Variants in GFOD1 observed in about 807,000 individuals in gnomAD.
GFOD1 encodes the protein Gfo/Idh/MocA-like oxidoreductase domain containing 1, also known as glucose-fructose oxidoreductase domain-containing protein 1.
Under a neutral mutation model 25.4 loss-of-function variants are expected in GFOD1, and 9 were observed. The ratio of observed to expected loss-of-function variants is 0.35; its 90% CI spans 0.21 to 0.62. GFOD1 has a LOEUF of 0.62. GFOD1 is among the 20% of genes least tolerant of loss of function. The probability of loss-of-function intolerance (pLI) is 0.72; values close to 1 mark genes in which losing one functional copy is unlikely to be tolerated. For missense variants in GFOD1, 403 were observed against 556.9 expected, an observed-to-expected ratio of 0.72 and a Z score of 2.78; for synonymous variants, 253 against 245.6, an observed-to-expected ratio of 1.03 and a Z score of -0.28.
At chr6:13,385,715 T>C (rs941658315) in intron 1 of GFOD1, among the ~76,000 whole-genome samples, 9 of 152,186 alleles carry the variant, frequency 5.9e-5, no homozygotes, top group African/African-American at 2.2e-4. Flanking sequence ...TTTATTTAAA[T>C]AGAGTATAAG....
At chr6:13,378,522 C>T (rs1009688789) in intron 1 of GFOD1, among the ~76,000 whole-genome samples, 1 of 152,210 alleles carries the variant, frequency 6.6e-6, no homozygotes, top group Non-Finnish European at 1.5e-5. Context: ...ATATCCATGG[C>T]AGTGAACCTG....
chr6:13,394,149 A>T (rs932586196), intron 1 of GFOD1, among the ~76,000 whole-genome samples: 9 of 152,208 alleles, frequency 5.9e-5, no homozygotes, highest in Non-Finnish European at 1.2e-4. Flanking sequence ...TCATTTAAAA[A>T]GATGTACCTT....
intron 1 of GFOD1, among the ~76,000 whole-genome samples, chr6:13,396,602 C>T (rs1266076673): frequency 6.6e-6 from 1 of 152,126 alleles, no homozygotes; most frequent in African/African-American, 2.4e-5. Context: ...GGATCATGAA[C>T]TGGGAGGATT....
chr6:13,422,797 A>G (rs538055429), intron 1 of GFOD1, among the ~76,000 whole-genome samples: 22 of 152,328 alleles, frequency 1.4e-4, no homozygotes, highest in African/African-American at 5.1e-4. Flanking sequence ...AGGAATTCTT[A>G]GCAAGAATTT....
chr6:13,420,433 C>T lies in GFOD1; in HGVS notation c.254-54771G>A, dbSNP rs143132756. On this transcript the variant is annotated intron_variant, in intron 1 of 1. Transcript: ENST00000379287. Reference sequence around the variant, plus strand: ...CATCTTTCCAAGGAAGAGCTCATCCCACCCACTTCCTAGATACAGCTAGCT... The same window carrying T: ...CATCTTTCCAAGGAAGAGCTCATCCTACCCACTTCCTAGATACAGCTAGCT... Among the ~76,000 whole-genome samples, 237 of 152,274 alleles carry T rather than the reference C, an allele frequency of 1.6e-3. 1 individual carries two copies. The highest frequency in any genetic ancestry group is 5.3e-3 in the African/African-American group (222 of 41,562).
Position 13,358,281 on chromosome 6 carries a change from A to G in GFOD1, c.*6462T>C, listed in dbSNP as rs1784897965. 2 of 152,170 alleles carry G rather than the reference A, an allele frequency of 1.3e-5. No homozygotes were observed. Among genetic ancestry groups the G allele is most frequent in the South Asian group, 4.1e-4 (2 of 4,832 alleles). The allele number at this position is 152,170 out of a possible 1,614,324, so 9.4% of individuals were successfully genotyped here. A position where few individuals can be genotyped will look rare whatever the true frequency, so the allele number is the denominator to read the frequency against. ...AATAACTCTTTAAAATATCTAGTATACATGCCTTGACTTCTTATATATATA... is the reference window on the plus strand; with the variant it reads ...AATAACTCTTTAAAATATCTAGTATGCATGCCTTGACTTCTTATATATATA... On this transcript the variant is annotated 3_prime_UTR_variant, in exon 2 of 2. Transcript: ENST00000379287.
chr6:13,368,698 A>AT (rs1189592452), intron 1 of GFOD1, among the ~76,000 whole-genome samples: 1 of 152,110 alleles, frequency 6.6e-6, no homozygotes, highest in Non-Finnish European at 1.5e-5. Flanking sequence ...AAAGGTTTTT[A>AT]TTTTTTTCTA....
intron 1 of GFOD1, chr6:13,486,154 C>T: frequency 3.0e-6 from 3 of 989,124 alleles, no homozygotes; most frequent in Non-Finnish European, 1.2e-6. Flanking sequence ...CAAGAAAACC[C>T]GACACACGTG....
At chr6:13,486,139 G>A (rs1031912282) in intron 1 of GFOD1, 1 of 987,830 alleles carries the variant, frequency 1.0e-6, no homozygotes. Context: ...GTCCTCTATC[G>A]CACCCAAGAA....
At chr6:13,384,251 C>A (rs527513404) in intron 1 of GFOD1, among the ~76,000 whole-genome samples, 3 of 152,268 alleles carry the variant, frequency 2.0e-5, no homozygotes, top group South Asian at 4.1e-4. Flanking sequence ...CTAAACTAAA[C>A]TAAAATAAAA....
chr6:13,464,385 A>C (rs779013281), intron 1 of GFOD1, among the ~76,000 whole-genome samples: 2 of 152,216 alleles, frequency 1.3e-5, no homozygotes, highest in Non-Finnish European at 2.9e-5. Flanking sequence ...TTCTATCCTT[A>C]CCACAGAACG....
At chr6:13,409,386 A>T (rs1174539194) in intron 1 of GFOD1, among the ~76,000 whole-genome samples, 1 of 151,494 alleles carries the variant, frequency 6.6e-6, no homozygotes, top group African/African-American at 2.4e-5. Context: ...GAAGGAAGGA[A>T]GGAAGGAAAA....
intron 1 of GFOD1, among the ~76,000 whole-genome samples, chr6:13,473,328 T>A (rs1758548101): frequency 6.6e-6 from 1 of 152,224 alleles, no homozygotes; most frequent in Non-Finnish European, 1.5e-5. Context: ...TGACTCTGTT[T>A]ACCATAGCAT....
chr6:13,468,509 A>G (rs1758416877), intron 1 of GFOD1, among the ~76,000 whole-genome samples: 1 of 152,232 alleles, frequency 6.6e-6, no homozygotes, highest in Non-Finnish European at 1.5e-5. Flanking sequence ...AGAAACTTCC[A>G]AGAAGTCAAC....
intron 1 of GFOD1, among the ~76,000 whole-genome samples, chr6:13,461,347 G>T (rs1022286644): frequency 2.0e-5 from 3 of 152,194 alleles, no homozygotes; most frequent in African/African-American, 7.2e-5. Flanking sequence ...CACTGAGTTT[G>T]AAGGGGAAGG....
At chr6:13,374,728 C>CTTTTTTTTTTTTTT (rs147560408) in intron 1 of GFOD1, among the ~76,000 whole-genome samples, 1 of 66,780 alleles carries the variant, frequency 1.5e-5, no homozygotes, top group Admixed American at 2.3e-4. Context: ...CATCTCAAAT[C>CTTTTTTTTTTTTTT]TTTTTTTTTT....
In GFOD1 at chr6:13,487,284, G is replaced by A; in HGVS notation, c.-394C>T. 5.2e-6 allele frequency: 1 copy of A among 193,960 alleles called. No homozygotes were observed. The allele number at this position is 193,960 out of a possible 1,614,324, so 12.0% of individuals were successfully genotyped here. A position where few individuals can be genotyped will look rare whatever the true frequency, so the allele number is the denominator to read the frequency against. ...GCCGGCTCATCCCCGCGGCCGCGCCGCCGCAGCCCGGGACCGGCTCTCTCC... is the reference window on the plus strand; with the variant it reads ...GCCGGCTCATCCCCGCGGCCGCGCCACCGCAGCCCGGGACCGGCTCTCTCC... On this transcript the variant is annotated 5_prime_UTR_variant, in exon 1 of 2. Coordinates refer to ENST00000379287, the MANE Select transcript of GFOD1 (RefSeq NM_018988.4). This position sits in a 1 kb window ranked among gnomAD's most constrained non-coding sequence, Gnocchi z 4.9.
rs973136813 is a variant in GFOD1 at position 13,364,517 on chromosome 6, G to A, written c.*226C>T. 5.3e-6 allele frequency: 3 copies of A among 567,466 alleles called. No individual in the cohort carries two copies. In the African/African-American group the frequency reaches 5.6e-5, roughly 11 times the overall value. 35.2% of individuals were successfully genotyped at this position (567,466 alleles called of 1,614,324 possible). ...ACCCAGCAGGGATCATCCCAGGAAT[G>A]GCAGGCTCTCCTGAATGCTTCCAGG... On this transcript the variant is annotated 3_prime_UTR_variant, in exon 2 of 2. Coordinates refer to ENST00000379287, the MANE Select transcript of GFOD1 (RefSeq NM_018988.4). The surrounding 1 kb of genome is among the most constrained non-coding windows in gnomAD (Gnocchi z 4.1).
rs1385429701 is a variant in GFOD1, at chr6:13,365,133, C to T, written c.783G>A (p.Val261=). ...TGCGCTGCCCGTACAGGTCGGTGCC[C>T]ACGGCCAGCAGGCGCCCGGCTGAGC... ...VVGSAGRLLA[V]GTDLYGQRNS... is the part of the protein sequence containing the mutation. The change falls in exon 2 of 2, where the codon GTG becomes GTA. Residue 261 remains valine (V), a synonymous_variant. Transcript: ENST00000379287. The surrounding 1 kb of genome is among the most constrained non-coding windows in gnomAD (Gnocchi z 9.2). 2 of 1,613,150 alleles carry T rather than the reference C, an allele frequency of 1.2e-6. No homozygotes were observed. The highest frequency in any genetic ancestry group is 1.7e-6 in the Non-Finnish European group (2 of 1,179,808).
Sources: allele counts gnomAD v4.1 joint callset (sites outside exome capture counted in the v4.1 genomes callset), GRCh38; gene constraint gnomAD v4.1.1; non-coding constraint Gnocchi (gnomAD v3.1); transcripts MANE v1.5; gene names NCBI Gene and HGNC (gene_info 2026-07-23, HGNC 2026-07-21).